PDGFRL: variants seen among roughly 807,000 people sequenced by gnomAD.
PDGFRL encodes the protein platelet-derived growth factor receptor-like protein.
PDGFRL carries 46 observed loss-of-function variants against 37.2 expected under a neutral mutation model. That is an observed-to-expected ratio of 1.24 (90% confidence interval 0.98 to 1.58). The LOEUF (loss-of-function observed/expected upper bound fraction) is 1.58, where lower values mean the gene tolerates loss of function less well. PDGFRL is among the 40% of genes most tolerant of loss of function. PDGFRL has a pLI of 0.00. For missense variants in PDGFRL, 692 were observed against 467.6 expected (o/e 1.48, Z -4.43); for synonymous variants, 251 against 184.3 (o/e 1.36, Z -2.93).
intron 1 of PDGFRL, among the ~76,000 whole-genome samples, chr8:17,585,980 C>G (rs889555412): frequency 5.3e-5 from 8 of 152,096 alleles, no homozygotes; most frequent in Non-Finnish European, 4.4e-5. Context: ...GAGACAGAGT[C>G]TCACTCTGTT....
chr8:17,628,456 G>A, intron 3 of PDGFRL, 31 bp from the exon 4 acceptor site: 1 of 1,594,328 alleles, frequency 6.3e-7, no homozygotes, highest in Non-Finnish European at 8.6e-7. Context: ...TCTCCGGAGT[G>A]AATAAGCCTG....
intron 2 of PDGFRL, among the ~76,000 whole-genome samples, chr8:17,603,364 C>T (rs1468464200): frequency 6.6e-6 from 1 of 152,170 alleles, no homozygotes; most frequent in African/African-American, 2.4e-5. Context: ...TATTCATGCC[C>T]CTGTCCCCTG....
intron 2 of PDGFRL, among the ~76,000 whole-genome samples, chr8:17,604,280 GCACACGTATGTTTATAGCGGCACTATT>G (rs1351720695): frequency 6.6e-6 from 1 of 152,124 alleles, no homozygotes; most frequent in Non-Finnish European, 1.5e-5. Flanking sequence ...AAAGACACAT[GCACACGTATGTTTATAGCGGCACTATT>G]CACAATAGCA....
rs528278818 is a variant in PDGFRL, at chr8:17,620,908, G to A, written c.354-143G>A. The A allele has an allele frequency of 9.7e-6, 4 of 412,016 alleles. No individual in the cohort carries two copies. In the South Asian group the frequency reaches 4.8e-4, roughly 50 times the overall value. The allele number at this position is 412,016 out of a possible 1,614,324, so 25.5% of individuals were successfully genotyped here. On this transcript the variant is annotated intron_variant, in intron 2 of 5. Transcript: ENST00000251630. ...TTTAAGTTCTAGGGGTGTTTGACAAGTCAAACACATTCTTATATTACTCTA... is the reference window on the plus strand; with the variant it reads ...TTTAAGTTCTAGGGGTGTTTGACAAATCAAACACATTCTTATATTACTCTA...
intron 5 of PDGFRL, among the ~76,000 whole-genome samples, chr8:17,641,113 C>A (rs1381689042): frequency 6.6e-6 from 1 of 152,182 alleles, no homozygotes; most frequent in African/African-American, 2.4e-5. Context: ...GCCGGTCTCA[C>A]TCCCTCTGTC....
rs1804787745 is a variant in PDGFRL, at chr8:17,628,661, T to C, written c.680T>C (p.Met227Thr). ...PANGTDIVYDMKRGFVYLQPH... is the reference protein window; with the variant it reads ...PANGTDIVYDTKRGFVYLQPH... ...AATGGAACGGACATTGTTTATGACA[T>C]GAAGCGGGGCTTTGTGTATCTGCAA... The change falls in exon 4 of 6, where the codon ATG becomes ACG. Residue 227 changes from methionine to threonine, a missense_variant. Coordinates refer to ENST00000251630, the MANE Select transcript of PDGFRL (RefSeq NM_001372073.1). 1.9e-6 allele frequency: 3 copies of C among 1,614,096 alleles called. No individual in the cohort carries two copies. Among genetic ancestry groups the C allele is most frequent in the African/African-American group, 1.3e-5 (1 of 75,054 alleles).
intron 2 of PDGFRL, among the ~76,000 whole-genome samples, chr8:17,612,998 C>T (rs993897974): frequency 2.0e-5 from 3 of 152,160 alleles, no homozygotes; most frequent in Admixed American, 6.5e-5. Context: ...CAAACTCTTT[C>T]ATGATTAACT....
At chr8:17,593,906 A>AGT (rs1411414097) in intron 2 of PDGFRL, among the ~76,000 whole-genome samples, 5 of 152,128 alleles carry the variant, frequency 3.3e-5, no homozygotes, top group Middle Eastern at 3.4e-3. Context: ...AAAAAGAAAA[A>AGT]AAAAGAAAAA....
intron 3 of PDGFRL, among the ~76,000 whole-genome samples, chr8:17,627,637 T>G (rs76768202): frequency 1.8e-4 from 24 of 132,926 alleles, no homozygotes; most frequent in African/African-American, 7.8e-4. Flanking sequence ...ACTCAGCTAA[T>G]TTTTTTTTTT....
chr8:17,603,329 G>A (rs1333176712), intron 2 of PDGFRL, among the ~76,000 whole-genome samples: 1 of 152,192 alleles, frequency 6.6e-6, no homozygotes, highest in East Asian at 1.9e-4. Flanking sequence ...ATTTGTAAGT[G>A]TATGTACCCA....
At chr8:17,578,606 A>G (rs987618629) in intron 1 of PDGFRL, among the ~76,000 whole-genome samples, 2 of 152,182 alleles carry the variant, frequency 1.3e-5, no homozygotes, top group Admixed American at 6.5e-5. Context: ...TTGTAGTATC[A>G]TTTTTTGAAT....
At chr8:17,577,690 G>A (rs932604353) in intron 1 of PDGFRL, among the ~76,000 whole-genome samples, 2 of 151,712 alleles carry the variant, frequency 1.3e-5, no homozygotes, top group Non-Finnish European at 2.9e-5. Flanking sequence ...GCGTGGCTGG[G>A]ACCTCTGCTG....
chr8:17,640,919 TCAGA>T (rs1014116543), intron 5 of PDGFRL, among the ~76,000 whole-genome samples: 6 of 151,682 alleles, frequency 4.0e-5, no homozygotes, highest in Non-Finnish European at 5.9e-5. Context: ...GTGTCTGAGC[TCAGA>T]CACTCTCCTT....
At chr8:17,608,586 G>T (rs1804336319) in intron 2 of PDGFRL, among the ~76,000 whole-genome samples, 1 of 152,118 alleles carries the variant, frequency 6.6e-6, no homozygotes, top group African/African-American at 2.4e-5. Flanking sequence ...GTTCAGTGTT[G>T]GTCTGCTGAG....
At chr8:17,636,855 G>A (rs1804980278) in intron 5 of PDGFRL, among the ~76,000 whole-genome samples, 1 of 152,022 alleles carries the variant, frequency 6.6e-6, no homozygotes, top group Non-Finnish European at 1.5e-5. Flanking sequence ...ATATTTCTGA[G>A]TATATATATT....
chr8:17,621,299 A>G lies in PDGFRL; in HGVS notation c.505+97A>G. 5.4e-6 allele frequency: 4 copies of G among 734,950 alleles called. No individual in the cohort carries two copies. In the South Asian group the frequency reaches 8.7e-5, roughly 16 times the overall value. The allele number at this position is 734,950 out of a possible 1,614,324, so 45.5% of individuals were successfully genotyped here. A position where few individuals can be genotyped will look rare whatever the true frequency, so the allele number is the denominator to read the frequency against. Reference sequence around the variant, plus strand: ...TGCATGCTGAATAGCAAATAATGACAATCAGAGCACTTCCTGTTTGCCAGG... The same window carrying G: ...TGCATGCTGAATAGCAAATAATGACGATCAGAGCACTTCCTGTTTGCCAGG... On this transcript the variant is annotated intron_variant, in intron 3 of 5. Coordinates refer to ENST00000251630, the MANE Select transcript of PDGFRL (RefSeq NM_001372073.1).
chr8:17,629,153 C>T (rs1485119668), intron 4 of PDGFRL, among the ~76,000 whole-genome samples: 2 of 150,276 alleles, frequency 1.3e-5, no homozygotes, highest in East Asian at 2.0e-4. Context: ...TGGTCTCGAC[C>T]TCCTGGGCTT....
chr8:17,599,920 A>C (rs2517169), intron 2 of PDGFRL, among the ~76,000 whole-genome samples: 1 of 151,966 alleles, frequency 6.6e-6, no homozygotes. Context: ...CAGGAACTTC[A>C]ATACATCACT....
At position 17,634,092 on chromosome 8, in the gene PDGFRL, C is replaced by G. The variant is rs746162691; in HGVS notation, c.818C>G (p.Ser273Ter). Reference protein sequence around the residue: ...LYVAVPSGPPSTTILASSNKV... With the variant: ...LYVAVPSGPP ...CTTCCAGTTCCCAGTGGCCCTCCCT[C>G]AACAACCATCTTGGCTTCTTCAAAC... Residue 273 changes from serine (S) to a stop codon, truncating the protein, a stop_gained, in exon 5 of 6, where the codon TCA becomes TGA. Coordinates refer to ENST00000251630, the MANE Select transcript of PDGFRL (RefSeq NM_001372073.1). LOFTEE classifies it high-confidence loss of function. 6 of 1,613,976 alleles carry G rather than the reference C, an allele frequency of 3.7e-6. No homozygotes were observed. Among genetic ancestry groups the G allele is most frequent in the Admixed American group, 1.7e-5 (1 of 60,002 alleles).
Sources: allele counts gnomAD v4.1 joint callset (sites outside exome capture counted in the v4.1 genomes callset), GRCh38; gene constraint gnomAD v4.1.1; transcripts MANE v1.5; gene names NCBI Gene and HGNC (gene_info 2026-07-23, HGNC 2026-07-21).